The following MACC1 variants were observed in gnomAD, a reference collection of about 807,000 sequenced individuals.
MACC1 encodes the protein MET transcriptional regulator MACC1.
A neutral mutation model predicts 70.7 loss-of-function variants in MACC1; 79 were observed. The ratio of observed to expected loss-of-function variants is 1.12; its 90% CI spans 0.93 to 1.35. The LOEUF (loss-of-function observed/expected upper bound fraction) is 1.35. Among genes scored for constraint, MACC1 ranks in the 40% most tolerant of loss-of-function variants. The pLI, the probability that MACC1 is intolerant of heterozygous loss-of-function variation, is 0.00. For missense variants in MACC1, 1,106 were observed against 978.1 expected (o/e 1.13, Z -1.74); for synonymous variants, 361 against 347.2 (o/e 1.04, Z -0.44).
chr7:20,195,715 G>A (rs1782741189), intron 1 of MACC1, among the ~76,000 whole-genome samples: 1 of 152,204 alleles, frequency 6.6e-6, no homozygotes, highest in Non-Finnish European at 1.5e-5. Context: ...TGTGGAACAG[G>A]GGATCAGTTA....
rs1782383139 is a variant in MACC1, at chr7:20,175,835, C to T, written c.-217-5057G>A. Among the ~76,000 whole-genome samples, 5 of 152,110 alleles carry T rather than the reference C, an allele frequency of 3.3e-5. No individual in the cohort carries two copies. The South Asian group carries it at 6.2e-4, about 19-fold the overall frequency. On this transcript the variant is annotated intron_variant, in intron 1 of 6. Coordinates refer to ENST00000400331, the MANE Select transcript of MACC1 (RefSeq NM_182762.4). ...ATGTTTGCTGACGGTGAAGCTGGAG[C>T]AGCCTTAAATCAATTCCTTAGAACT...
chr7:20,208,438 A>T (rs1463349448), intron 1 of MACC1, among the ~76,000 whole-genome samples: 2 of 152,160 alleles, frequency 1.3e-5, no homozygotes, highest in African/African-American at 4.8e-5. Flanking sequence ...CTCAGATGGA[A>T]ATGAGGAACT....
chr7:20,175,412 T>C (rs895333840), intron 1 of MACC1, among the ~76,000 whole-genome samples: 1 of 152,066 alleles, frequency 6.6e-6, no homozygotes, highest in African/African-American at 2.4e-5. Flanking sequence ...CTTTAAAATA[T>C]GACAGGCAAA....
chr7:20,149,900 A>G (rs1197724469), intron 6 of MACC1, among the ~76,000 whole-genome samples: 1 of 152,212 alleles, frequency 6.6e-6, no homozygotes, highest in African/African-American at 2.4e-5. Flanking sequence ...GACTTTATAT[A>G]AGACAACGTG....
At chr7:20,214,034 C>T (rs1783034825) in intron 1 of MACC1, among the ~76,000 whole-genome samples, 2 of 152,008 alleles carry the variant, frequency 1.3e-5, no homozygotes, top group African/African-American at 2.4e-5. Flanking sequence ...TTAATTCCTA[C>T]CACTCTTCAT....
intron 1 of MACC1, among the ~76,000 whole-genome samples, chr7:20,175,295 T>C (rs1322624188): frequency 1.3e-5 from 2 of 152,090 alleles, no homozygotes; most frequent in Non-Finnish European, 2.9e-5. Context: ...TTAAAAGAAA[T>C]CTGTTACCAC....
At position 20,139,278 on chromosome 7, in the gene MACC1, C is replaced by A. The variant is rs1781762907; in HGVS notation, c.*1668G>T. The stretch of plus-strand genomic sequence containing the variant: ...CCCTGCTATCTGCACCTATTCAGCT[C>A]CCACCCATCTAAGAGCTTCAGTGCT... On this transcript the variant is annotated 3_prime_UTR_variant, in exon 7 of 7. Transcript: ENST00000400331. 1 of 152,360 alleles carries A rather than the reference C, an allele frequency of 6.6e-6. No homozygotes were observed. The allele number at this position is 152,360 out of a possible 1,614,324, so 9.4% of individuals were successfully genotyped here. A position where few individuals can be genotyped will look rare whatever the true frequency, so the allele number is the denominator to read the frequency against.
intron 1 of MACC1, among the ~76,000 whole-genome samples, chr7:20,183,560 T>C (rs913704938): frequency 1.3e-5 from 2 of 152,192 alleles, no homozygotes; most frequent in Non-Finnish European, 2.9e-5. Flanking sequence ...ATTTGTTTTG[T>C]AGAAATGGAA....
chr7:20,175,308 A>G (rs1409060382), intron 1 of MACC1, among the ~76,000 whole-genome samples: 1 of 152,144 alleles, frequency 6.6e-6, no homozygotes, highest in Non-Finnish European at 1.5e-5. Flanking sequence ...GTTACCACCA[A>G]TATCATAAAA....
intron 1 of MACC1, among the ~76,000 whole-genome samples, chr7:20,199,839 ATAAATT>A (rs1420449029): frequency 6.6e-6 from 1 of 152,230 alleles, no homozygotes; most frequent in Non-Finnish European, 1.5e-5. Flanking sequence ...TATCTTAAAA[ATAAATT>A]TAAACAATAA....
rs566641740 is a variant in MACC1 at position 20,143,049 on chromosome 7, A to AT, written c.2347-1892_2347-1891insA. On this transcript the variant is annotated intron_variant, in intron 6 of 6. Transcript: ENST00000400331. ...AGAAAACAGACATCTCAAGAATTAT[A>AT]AAAGGGTAATTTTGGGGTTGTCCAC... is the stretch of plus-strand genomic sequence containing the variant. 1.9e-3 allele frequency among the ~76,000 whole-genome samples: 285 copies of AT among 152,360 alleles called. 1 individual carries two copies. Among genetic ancestry groups the AT allele is most frequent in the African/African-American group, 6.6e-3 (273 of 41,588 alleles).
At chr7:20,175,201 C>G (rs193258435) in intron 1 of MACC1, among the ~76,000 whole-genome samples, 1 of 152,050 alleles carries the variant, frequency 6.6e-6, no homozygotes, top group Admixed American at 6.5e-5. Flanking sequence ...TTGATGAACT[C>G]TTTAACCCGG....
At chr7:20,206,600 G>A (rs777242466) in intron 1 of MACC1, among the ~76,000 whole-genome samples, 13 of 152,184 alleles carry the variant, frequency 8.5e-5, no homozygotes, top group Middle Eastern at 3.4e-3. Context: ...AACACCCCTG[G>A]GAGAGCCATC....
chr7:20,167,781 G>C (rs891819220), intron 2 of MACC1, among the ~76,000 whole-genome samples: 3 of 152,026 alleles, frequency 2.0e-5, no homozygotes, highest in African/African-American at 7.2e-5. Flanking sequence ...CTGCATCATG[G>C]GCATGTGACC....
rs1348207620 is a variant in MACC1, at chr7:20,138,305, C to T, written c.*2641G>A. ...TTCATTTTTTTAAACTCTTATTATT[C>T]TCAATCACAATCATAATACATGATG... On this transcript the variant is annotated 3_prime_UTR_variant, in exon 7 of 7. Coordinates refer to ENST00000400331, the MANE Select transcript of MACC1 (RefSeq NM_182762.4). 6.6e-6 allele frequency: 1 copy of T among 151,358 alleles called. No homozygotes were observed. The highest frequency in any genetic ancestry group is 1.5e-5 in the Non-Finnish European group (1 of 67,964). The allele number at this position is 151,358 out of a possible 1,614,324, so 9.4% of individuals were successfully genotyped here.
In MACC1 at chr7:20,139,966, G is replaced by C. The variant is rs530499595; in HGVS notation, c.*980C>G. The C allele has an allele frequency of 6.6e-5, 10 of 151,564 alleles. No homozygotes were observed. In the South Asian group the frequency reaches 2.1e-3, roughly 32 times the overall value. The allele number at this position is 151,564 out of a possible 1,614,324, so 9.4% of individuals were successfully genotyped here. ...AGTTAATCAAGTTTCTGGTGGTGGT[G>C]GTTTTTAATAACTCGTATTATTAAA... is the stretch of plus-strand genomic sequence containing the variant. On this transcript the variant is annotated 3_prime_UTR_variant, in exon 7 of 7. Coordinates refer to ENST00000400331, the MANE Select transcript of MACC1 (RefSeq NM_182762.4).
At chr7:20,195,516 G>C (rs1473964176) in intron 1 of MACC1, among the ~76,000 whole-genome samples, 1 of 152,200 alleles carries the variant, frequency 6.6e-6, no homozygotes, top group African/African-American at 2.4e-5. Context: ...CCTGACACAT[G>C]CGTATTGAGC....
intron 6 of MACC1, among the ~76,000 whole-genome samples, chr7:20,142,201 C>G (rs1415552546): frequency 3.3e-5 from 5 of 152,150 alleles, no homozygotes; most frequent in African/African-American, 1.2e-4. Flanking sequence ...ATCACATGAA[C>G]TAAAGCCTTG....
Position 20,158,807 on chromosome 7 carries a change from T to C in MACC1, c.1554A>G (p.Pro518=). 6.2e-7 allele frequency: 1 copy of C among 1,614,144 alleles called. No homozygotes were observed. The highest frequency in any genetic ancestry group is 8.5e-7 in the Non-Finnish European group (1 of 1,180,026). The part of the protein sequence containing the change: ...TPNLKRLSNL[P]GYLQKKEEIK... ...TTTCCTCCTTCTTCTGCAAATAGCC[T>C]GGCAGATTCGAGAGTCTTTTTAGGT... The change falls in exon 5 of 7, where the codon CCA becomes CCG. Residue 518 remains proline, a synonymous_variant. Transcript: ENST00000400331.
Sources: gnomAD v4.1 joint callset for allele counts (sites outside exome capture counted in the v4.1 genomes callset) on GRCh38, gnomAD v4.1.1 for gene constraint, MANE v1.5 for transcripts, NCBI Gene and HGNC (gene_info 2026-07-23, HGNC 2026-07-21) for gene names.